DIAPH3: variants seen among roughly 807,000 people sequenced by gnomAD.
DIAPH3 encodes diaphanous related formin 3, also known as protein diaphanous homolog 3.
A neutral mutation model predicts 144.3 loss-of-function variants in DIAPH3; 117 were observed. The ratio of observed to expected loss-of-function variants is 0.81; its 90% CI spans 0.70 to 0.95. DIAPH3 has a LOEUF of 0.95. Among genes scored for constraint, DIAPH3 ranks in the 40% least tolerant of loss-of-function variants. DIAPH3 has a pLI of 0.00. For missense variants in DIAPH3, 1,421 were observed against 1,412.7 expected, an observed-to-expected ratio of 1.01 and a Z score of -0.09; for synonymous variants, 519 against 488.9, an observed-to-expected ratio of 1.06 and a Z score of -0.81.
chr13:59,746,006 T>A lies in DIAPH3; in HGVS notation c.3319+28183A>T, dbSNP rs539753477. ...TTTTGCACTCTCAGGGTGTTCTTTT[T>A]AAACAATGTTTACATCTTAAAAACA... On this transcript the variant is annotated intron_variant, in intron 27 of 27. Coordinates refer to ENST00000400324, the MANE Select transcript of DIAPH3 (RefSeq NM_001042517.2). Among the ~76,000 whole-genome samples the A allele has an allele frequency of 5.9e-5, 9 of 152,344 alleles. No homozygotes were observed. In the South Asian group the frequency reaches 1.7e-3, roughly 28 times the overall value.
intron 2 of DIAPH3, among the ~76,000 whole-genome samples, chr13:60,119,946 G>A (rs966267697): frequency 1.3e-5 from 2 of 151,930 alleles, no homozygotes; most frequent in African/African-American, 4.8e-5. Flanking sequence ...ATTACTAGAT[G>A]ATAAAATATA....
chr13:59,889,777 C>G (rs776625787), intron 20 of DIAPH3, among the ~76,000 whole-genome samples: 5 of 152,054 alleles, frequency 3.3e-5, no homozygotes, highest in Non-Finnish European at 7.4e-5. Context: ...ACTGGGTGAT[C>G]ATCTTAAGTT....
intron 2 of DIAPH3, among the ~76,000 whole-genome samples, chr13:60,119,188 G>C (rs1315038382): frequency 6.6e-6 from 1 of 152,140 alleles, no homozygotes; most frequent in African/African-American, 2.4e-5. Flanking sequence ...TCCTTCTTGG[G>C]AGTATGCCAG....
chr13:60,002,691 T>G lies in DIAPH3; in HGVS notation c.1014+5853A>C, dbSNP rs1292674328. On this transcript the variant is annotated intron_variant, in intron 9 of 27. Transcript: ENST00000400324. ...AGGGAGAAACCACAGGAAAAGGAAG[T>G]TACAGCATTCTATCACTGCAGACCT... Among the ~76,000 whole-genome samples, 4 of 152,308 alleles carry G rather than the reference T, an allele frequency of 2.6e-5. No homozygotes were observed. The East Asian group carries it at 7.7e-4, about 29-fold the overall frequency.
intron 27 of DIAPH3, among the ~76,000 whole-genome samples, chr13:59,671,040 C>G (rs1418093637): frequency 6.6e-6 from 1 of 152,188 alleles, no homozygotes; most frequent in Non-Finnish European, 1.5e-5. Flanking sequence ...TATAATGTGT[C>G]AAGGCCAGGT....
chr13:60,025,404 CA>C lies in DIAPH3; in HGVS notation c.627-9260del, dbSNP rs370177105. Among the ~76,000 whole-genome samples, 268 of 68,092 alleles carry C rather than the reference CA, an allele frequency of 3.9e-3. 2 individuals carry two copies. The highest frequency in any genetic ancestry group is 0.027 in the East Asian group (68 of 2,524). 44.7% of individuals were successfully genotyped at this position (68,092 alleles called of 152,430 possible). On this transcript the variant is annotated intron_variant, in intron 5 of 27. Coordinates refer to ENST00000400324, the MANE Select transcript of DIAPH3 (RefSeq NM_001042517.2). ...GTCCAGTATTTCTAGTTGTGCTTAGCAAAAAAAAAAAAAAAAAGGAAATAGT... is the reference window on the plus strand; with the variant it reads ...GTCCAGTATTTCTAGTTGTGCTTAGCAAAAAAAAAAAAAAAAGGAAATAGT...
At chr13:59,943,572 G>A (rs1327878109) in intron 17 of DIAPH3, among the ~76,000 whole-genome samples, 1 of 152,072 alleles carries the variant, frequency 6.6e-6, no homozygotes, top group East Asian at 1.9e-4. Flanking sequence ...CACTGAGTTA[G>A]GCTCTCTATA....
At chr13:59,954,766 C>T (rs1381437001) in intron 17 of DIAPH3, among the ~76,000 whole-genome samples, 1 of 152,018 alleles carries the variant, frequency 6.6e-6, no homozygotes, top group African/African-American at 2.4e-5. Context: ...CCAGTACATC[C>T]TATATGACTG....
At chr13:59,972,118 G>C (rs185554524) in intron 15 of DIAPH3, among the ~76,000 whole-genome samples, 30 of 152,264 alleles carry the variant, frequency 2.0e-4, no homozygotes, top group African/African-American at 7.2e-4. Flanking sequence ...GTGCATGACA[G>C]CTATGGAAGA....
intron 23 of DIAPH3, among the ~76,000 whole-genome samples, chr13:59,833,783 A>G (rs1438396611): frequency 6.6e-6 from 1 of 151,722 alleles, no homozygotes; most frequent in Non-Finnish European, 1.5e-5. Context: ...GAACAATAAT[A>G]TCACCAACTC....
intron 27 of DIAPH3, among the ~76,000 whole-genome samples, chr13:59,732,253 T>G (rs1950384502): frequency 1.2e-5 from 1 of 82,572 alleles, no homozygotes; most frequent in Non-Finnish European, 2.8e-5. Flanking sequence ...TTTTTTTGAG[T>G]CTATCTATAT....
At position 60,163,760 on chromosome 13, in the gene DIAPH3, G is replaced by A; in HGVS notation, c.7C>T (p.Arg3Trp). Residue 3 changes from arginine (R) to tryptophan (W), a missense_variant, in exon 1 of 28, where the codon CGG becomes TGG. Physicochemically the swap from Arg to Trp is moderately radical, Grantham distance 101. Transcript: ENST00000400324. ...GGGTGGTGCAGCCGCGGCTGGTGCC[G>A]TTCCATCTTTCCCCGCAGCTCCGGG... ME[R>W]HQPRLHHPAQ... 6.3e-7 allele frequency: 1 copy of A among 1,584,998 alleles called. No homozygotes were observed.
intron 4 of DIAPH3, among the ~76,000 whole-genome samples, chr13:60,082,352 T>C (rs1424631046): frequency 6.8e-6 from 1 of 146,578 alleles, no homozygotes; most frequent in Non-Finnish European, 1.5e-5. Context: ...ACAGAATCCA[T>C]GAAAAAGAAA....
chr13:59,813,803 T>G (rs1013032545), intron 24 of DIAPH3, among the ~76,000 whole-genome samples: 39 of 141,630 alleles, frequency 2.8e-4, no homozygotes, highest in African/African-American at 1.0e-3. Flanking sequence ...GAGGTTTCAG[T>G]GAGCCGAGAT....
intron 2 of DIAPH3, among the ~76,000 whole-genome samples, chr13:60,117,216 T>A (rs1273510290): frequency 6.6e-6 from 1 of 152,016 alleles, no homozygotes; most frequent in Non-Finnish European, 1.5e-5. Flanking sequence ...TTTACCCAAA[T>A]GGAAAAATAA....
At chr13:60,127,292 T>C (rs572645803) in intron 2 of DIAPH3, among the ~76,000 whole-genome samples, 1 of 152,182 alleles carries the variant, frequency 6.6e-6, no homozygotes, top group African/African-American at 2.4e-5. Context: ...GTAAAATGTA[T>C]GTCCTTGAAA....
At chr13:60,136,917 G>C (rs1398921338) in intron 1 of DIAPH3, among the ~76,000 whole-genome samples, 1 of 150,010 alleles carries the variant, frequency 6.7e-6, no homozygotes, top group African/African-American at 2.5e-5. Context: ...TCCAGCCTGG[G>C]CGACAGAGCG....
In DIAPH3 at chr13:59,992,557, G is replaced by A; in HGVS notation, c.1041C>T (p.Ala347=). 1.2e-6 allele frequency: 2 copies of A among 1,611,958 alleles called. No individual in the cohort carries two copies. The highest frequency in any genetic ancestry group is 1.7e-6 in the Non-Finnish European group (2 of 1,179,044). The change falls in exon 10 of 28, where the codon GCC becomes GCT. Residue 347 remains alanine, a synonymous_variant. Coordinates refer to ENST00000400324, the MANE Select transcript of DIAPH3 (RefSeq NM_001042517.2). ...CCAAATCATCAGGAGATGTAACCAG[G>A]GCATTGATGAGCTGCATACAAGCTA... is the stretch of plus-strand genomic sequence containing the variant. ...LQVACMQLIN[A]LVTSPDDLDF... is the part of the protein sequence containing the mutation.
At chr13:59,870,227 C>A (rs1029495768) in intron 21 of DIAPH3, among the ~76,000 whole-genome samples, 1 of 151,440 alleles carries the variant, frequency 6.6e-6, no homozygotes, top group Non-Finnish European at 1.5e-5. Context: ...ACTATTCTTT[C>A]ACTATTGAAT....
Sources: allele counts gnomAD v4.1 joint callset (sites outside exome capture counted in the v4.1 genomes callset), GRCh38; gene constraint gnomAD v4.1.1; transcripts MANE v1.5; gene names NCBI Gene and HGNC (gene_info 2026-07-23, HGNC 2026-07-21).